Variants in CCDC82 observed in about 807,000 individuals in gnomAD.
CCDC82 encodes coiled-coil domain-containing protein 82.
In CCDC82, 47 loss-of-function variants were observed where a neutral mutation model predicts 60.6. The observed-to-expected ratio is 0.77, with a 90% CI of 0.61 to 0.99. The LOEUF is 0.99. Ranked by LOEUF, CCDC82 falls within the 50% of genes least tolerant of loss-of-function variation. The pLI is 0.00. For synonymous variants in CCDC82, 212 were observed against 207.4 expected, an observed-to-expected ratio of 1.02 and a Z score of -0.19; for missense variants, 588 against 633.0, an observed-to-expected ratio of 0.93 and a Z score of 0.76.
rs567690438 is a variant in CCDC82, at chr11:96,359,680, A to G, written c.1381-502T>C. Among the ~76,000 whole-genome samples the G allele has an allele frequency of 1.5e-4, 23 of 150,836 alleles. No homozygotes were observed. The South Asian group carries it at 3.4e-3, about 22-fold the overall frequency. ...AAAAAAAAAAAGCATGAAAAGTATG[A>G]TAAGTCCATATTTATGAAGTTAAAA... On this transcript the variant is annotated intron_variant, in intron 8 of 9. Transcript: ENST00000646818.
chr11:96,386,983 T>G (rs1277871334), intron 2 of CCDC82: 1 of 152,254 alleles, frequency 6.6e-6, no homozygotes, highest in Admixed American at 6.5e-5. Flanking sequence ...CCACACGAAC[T>G]AGGCATCTTA....
At chr11:96,369,331 T>A (rs1353074059) in intron 7 of CCDC82, among the ~76,000 whole-genome samples, 3 of 152,250 alleles carry the variant, frequency 2.0e-5, no homozygotes, top group Non-Finnish European at 4.4e-5. Context: ...AGCAAGAGGC[T>A]TACATTTCAG....
At chr11:96,364,001 T>A (rs1591173896) in intron 8 of CCDC82, 1 of 152,288 alleles carries the variant, frequency 6.6e-6, no homozygotes, top group East Asian at 1.9e-4. Flanking sequence ...ATAGAATCTT[T>A]ACTGCTTCAC....
intron 5 of CCDC82, chr11:96,381,136 T>C (rs1015065015): frequency 2.6e-5 from 4 of 151,646 alleles, no homozygotes; most frequent in African/African-American, 7.3e-5. Flanking sequence ...TGTAAAGAAG[T>C]TGAAGTTCCC....
At chr11:96,370,474 G>A (rs562475633) in intron 7 of CCDC82, among the ~76,000 whole-genome samples, 20 of 152,120 alleles carry the variant, frequency 1.3e-4, no homozygotes, top group South Asian at 1.2e-3. Flanking sequence ...AAAGAAAGAT[G>A]CCAAACACTA....
At chr11:96,369,221 A>G (rs1236123824) in intron 7 of CCDC82, among the ~76,000 whole-genome samples, 1 of 152,232 alleles carries the variant, frequency 6.6e-6, no homozygotes, top group Non-Finnish European at 1.5e-5. Flanking sequence ...AACATTCTCC[A>G]TGTCAGCAAT....
chr11:96,382,468 A>T (rs1314953106), intron 5 of CCDC82: 1 of 151,732 alleles, frequency 6.6e-6, no homozygotes, highest in Non-Finnish European at 1.5e-5. Context: ...ATATATATAT[A>T]ATGAAATATG....
intron 8 of CCDC82, chr11:96,364,260 T>TA (rs1480475356): frequency 6.6e-6 from 1 of 152,130 alleles, no homozygotes; most frequent in Non-Finnish European, 1.5e-5. Context: ...CATATTTTTA[T>TA]AGTAACATAT....
At chr11:96,369,593 T>A (rs1182374378) in intron 7 of CCDC82, among the ~76,000 whole-genome samples, 1 of 152,180 alleles carries the variant, frequency 6.6e-6, no homozygotes, top group African/African-American at 2.4e-5. Flanking sequence ...CACTATTATA[T>A]GGGCATGGTT....
chr11:96,383,500 G>C (rs1865993358), intron 4 of CCDC82, 27 bp from the exon 5 acceptor site: 2 of 1,431,254 alleles, frequency 1.4e-6, no homozygotes, highest in South Asian at 1.2e-5. Context: ...AAATGCTTCA[G>C]TAAATGGTGC....
intron 7 of CCDC82, among the ~76,000 whole-genome samples, chr11:96,367,987 A>C (rs1224315481): frequency 6.6e-6 from 1 of 151,784 alleles, no homozygotes; most frequent in African/African-American, 2.4e-5. Flanking sequence ...TGCCTGGCTA[A>C]TTTTTGTATG....
chr11:96,368,636 G>A (rs1373125802), intron 7 of CCDC82, among the ~76,000 whole-genome samples: 1 of 152,162 alleles, frequency 6.6e-6, no homozygotes, highest in East Asian at 1.9e-4. Flanking sequence ...GGAGGCTGAG[G>A]CAGGCGGATC....
chr11:96,353,975 A>G, intron 9 of CCDC82: 1 of 274,132 alleles, frequency 3.6e-6, no homozygotes, highest in Non-Finnish European at 6.8e-6. Context: ...TATAATTTTT[A>G]TATTATCATG....
rs1333410818 is a variant in CCDC82, at chr11:96,383,976, C to T, written c.772G>A (p.Gly258Ser). The T allele has an allele frequency of 6.2e-7, 1 of 1,610,012 alleles. No individual in the cohort carries two copies. Among genetic ancestry groups the T allele is most frequent in the Non-Finnish European group, 8.5e-7 (1 of 1,178,452 alleles). ...KQRSRQRRSS[G>S]RDFEDSEKES... The stretch of plus-strand genomic sequence containing the variant: ...ATATAACACACCTCAAAATCTCTAC[C>T]ACTACTGCGTCTCTGACGAGATCTT... The change falls in exon 4 of 10, where the codon GGT (glycine) becomes AGT (serine). Residue 258 changes from glycine to serine, a missense_variant. Gly to Ser is a moderately conservative substitution (Grantham distance 56). Transcript: ENST00000646818.
intron 5 of CCDC82, among the ~76,000 whole-genome samples, chr11:96,377,683 A>G (rs533029115): frequency 1.3e-5 from 2 of 152,188 alleles, no homozygotes; most frequent in South Asian, 2.1e-4. Context: ...TATTAATGTG[A>G]TATATTAATG....
chr11:96,358,292 T>C, intron 9 of CCDC82: 2 of 1,149,082 alleles, frequency 1.7e-6, no homozygotes, highest in Non-Finnish European at 2.1e-6. Flanking sequence ...CGTATTAGCA[T>C]TCTTTCCATA....
rs1866264640 is a variant in CCDC82, at chr11:96,387,537, C to G, written c.-62G>C. 1 of 152,184 alleles carries G rather than the reference C, an allele frequency of 6.6e-6. No individual in the cohort carries two copies. The highest frequency in any genetic ancestry group is 1.5e-5 in the Non-Finnish European group (1 of 68,032). The allele number at this position is 152,184 out of a possible 1,614,324, so 9.4% of individuals were successfully genotyped here. ...AGAGTTTAAATGACTTACCGAAGAT[C>G]ACGCAGCTTGTTAGTGACAGAGCAG... On this transcript the variant is annotated 5_prime_UTR_variant, in exon 2 of 10. Transcript: ENST00000646818.
At chr11:96,371,252 A>C (rs1165223960) in intron 6 of CCDC82, 115 bp from the exon 7 acceptor site, 22 of 654,066 alleles carry the variant, frequency 3.4e-5, no homozygotes, top group Non-Finnish European at 4.8e-5. Flanking sequence ...ATTAGGAAAA[A>C]AAATATTTAA....
chr11:96,358,168 T>C (rs1864443075), intron 9 of CCDC82: 1 of 989,572 alleles, frequency 1.0e-6, no homozygotes, highest in African/African-American at 1.7e-5. Flanking sequence ...GATCTCAAGT[T>C]AGGCTTTTTT....
Sources: allele counts gnomAD v4.1 joint callset (sites outside exome capture counted in the v4.1 genomes callset), GRCh38; gene constraint gnomAD v4.1.1; transcripts MANE v1.5; gene names NCBI Gene and HGNC (gene_info 2026-07-23, HGNC 2026-07-21).